The following GRAMD1B variants were observed in gnomAD, a reference collection of about 807,000 sequenced individuals.
GRAMD1B encodes protein Aster-B.
In GRAMD1B, 37 loss-of-function variants were observed where a neutral mutation model predicts 99.7. The observed-to-expected ratio is 0.37, with a 90% confidence interval of 0.29 to 0.49. GRAMD1B has a LOEUF of 0.49. Among genes scored for constraint, GRAMD1B ranks in the 20% least tolerant of loss-of-function variants. The pLI, the probability that GRAMD1B is intolerant of heterozygous loss-of-function variation, is 0.98. For missense variants in GRAMD1B, 888 were observed against 1,009.2 expected (o/e 0.88, Z 1.63); for synonymous variants, 427 against 387.6 (o/e 1.10, Z -1.19).
At chr11:123,576,362 A>T (rs987536404) in intron 2 of GRAMD1B, among the ~76,000 whole-genome samples, 1 of 152,046 alleles carries the variant, frequency 6.6e-6, no homozygotes, top group Non-Finnish European at 1.5e-5. Context: ...TTCCAATCTC[A>T]CATTTCCTTT....
intron 1 of GRAMD1B, among the ~76,000 whole-genome samples, chr11:123,363,430 T>A (rs954006162): frequency 1.3e-5 from 2 of 152,200 alleles, no homozygotes; most frequent in African/African-American, 4.8e-5. Flanking sequence ...TAACCGCCTG[T>A]AAAGAACTGT....
intron 2 of GRAMD1B, among the ~76,000 whole-genome samples, chr11:123,537,247 C>T (rs1017468283): frequency 1.3e-5 from 2 of 152,154 alleles, no homozygotes; most frequent in Non-Finnish European, 2.9e-5. Flanking sequence ...ACTGAGATGC[C>T]TCTTCTACTG....
rs774345801 is a variant in GRAMD1B at position 123,612,855 on chromosome 11, C to T, written c.2014C>T (p.Arg672Cys). ...CTGGAGTGGGCTGGAGGACTACTTCCGCCATTTAGGTGAGCACTGCAATCC... is the reference window on the plus strand; with the variant it reads ...CTGGAGTGGGCTGGAGGACTACTTCTGCCATTTAGGTGAGCACTGCAATCC... ...NFWSGLEDYF[R>C]HLESELAKTE... is the part of the protein sequence containing the mutation. The change falls in exon 15 of 20, where the codon CGC becomes TGC. Residue 672 changes from arginine (R) to cysteine (C), a missense_variant. This residue lies in a region of GRAMD1B where 92 missense variants were observed against 156.9 expected (regional missense o/e 0.59). Coordinates refer to ENST00000635736, the MANE Select transcript of GRAMD1B (RefSeq NM_001387025.1). The T allele has an allele frequency of 3.1e-6, 5 of 1,589,938 alleles. No individual in the cohort carries two copies. Among genetic ancestry groups the T allele is most frequent in the East Asian group, 4.5e-5 (2 of 44,750 alleles).
chr11:123,608,685 C>T lies in GRAMD1B; in HGVS notation c.1540C>T (p.Leu514=). Residue 514 remains leucine (L), a synonymous_variant, in exon 12 of 20, where the codon CTG becomes TTG. Transcript: ENST00000635736. ...EGEVQAFYED[L]SGRQYVNEVF... ...AGAGGTCCAGGCCTTCTATGAGGAC[C>T]TGAGTGGCCGGCAGTACGTGAATGA... 1 of 1,572,910 alleles carries T rather than the reference C, an allele frequency of 6.4e-7. No homozygotes were observed. Among genetic ancestry groups the T allele is most frequent in the Non-Finnish European group, 8.6e-7 (1 of 1,157,976 alleles).
At chr11:123,540,996 C>T (rs940880263) in intron 2 of GRAMD1B, among the ~76,000 whole-genome samples, 10 of 151,694 alleles carry the variant, frequency 6.6e-5, no homozygotes, top group East Asian at 1.9e-4. Flanking sequence ...CTTTTTGAGA[C>T]GGAGTTCGCT....
rs1217566843 is a variant in GRAMD1B at position 123,624,129 on chromosome 11, G to A, written c.*1534G>A. On this transcript the variant is annotated 3_prime_UTR_variant, in exon 20 of 20. Transcript: ENST00000635736. ...AGAGCTTGTGGAGATTCATGAAAGA[G>A]TCATAGCCAGTTTGGCATGCAGAGG... 1 of 152,174 alleles carries A rather than the reference G, an allele frequency of 6.6e-6. No homozygotes were observed. Among genetic ancestry groups the A allele is most frequent in the Non-Finnish European group, 1.5e-5 (1 of 68,050 alleles). The allele number at this position is 152,174 out of a possible 1,614,324, so 9.4% of individuals were successfully genotyped here.
chr11:123,477,814 G>A (rs1437885798), intron 1 of GRAMD1B, among the ~76,000 whole-genome samples: 6 of 129,292 alleles, frequency 4.6e-5, no homozygotes, highest in Admixed American at 3.6e-4. Context: ...TCACTCTGTC[G>A]CCCAGGCTGG....
chr11:123,397,893 T>A (rs1045478428), intron 1 of GRAMD1B, among the ~76,000 whole-genome samples: 1 of 152,214 alleles, frequency 6.6e-6, no homozygotes, highest in African/African-American at 2.4e-5. Flanking sequence ...TTGAGATTCA[T>A]CTACATAGCT....
At chr11:123,406,345 C>G (rs1947856576) in intron 1 of GRAMD1B, among the ~76,000 whole-genome samples, 1 of 152,068 alleles carries the variant, frequency 6.6e-6, no homozygotes, top group African/African-American at 2.4e-5. Context: ...CCTCCACCGA[C>G]TGGGTTCAAG....
At chr11:123,509,801 C>T (rs948995428) in intron 2 of GRAMD1B, 4 of 152,322 alleles carry the variant, frequency 2.6e-5, no homozygotes, top group Admixed American at 2.0e-4. Flanking sequence ...AGCGAGCGGC[C>T]TGTCCCTGCT....
chr11:123,625,338 A>T lies in GRAMD1B; in HGVS notation c.*2743A>T, dbSNP rs565541743. 6.6e-6 allele frequency: 1 copy of T among 152,334 alleles called. No individual in the cohort carries two copies. Among genetic ancestry groups the T allele is most frequent in the Admixed American group, 6.5e-5 (1 of 15,310 alleles). The allele number at this position is 152,334 out of a possible 1,614,324, so 9.4% of individuals were successfully genotyped here. ...CACAGGAGTCTTTCTGTAATGACTT[A>T]TGTGGTAAAATGTTTGAGAGTTTGC... is the stretch of plus-strand genomic sequence containing the variant. On this transcript the variant is annotated 3_prime_UTR_variant, in exon 20 of 20. Coordinates refer to ENST00000635736, the MANE Select transcript of GRAMD1B (RefSeq NM_001387025.1).
chr11:123,539,065 T>A (rs939191985), intron 2 of GRAMD1B, among the ~76,000 whole-genome samples: 3 of 152,162 alleles, frequency 2.0e-5, no homozygotes, highest in Admixed American at 6.5e-5. Flanking sequence ...AATCTCTTAA[T>A]TTTTAAGTTC....
At chr11:123,469,617 A>T (rs918714393) in intron 1 of GRAMD1B, among the ~76,000 whole-genome samples, 1 of 152,198 alleles carries the variant, frequency 6.6e-6, no homozygotes, top group Non-Finnish European at 1.5e-5. Flanking sequence ...CCTGTTGGAC[A>T]TTTAAGAGAG....
intron 3 of GRAMD1B, among the ~76,000 whole-genome samples, chr11:123,583,876 T>A (rs376767708): frequency 6.6e-6 from 1 of 152,162 alleles, no homozygotes; most frequent in East Asian, 1.9e-4. Context: ...GTCCCCTTTC[T>A]ACCTCGAAAG....
At chr11:123,443,958 G>A (rs931281175) in intron 1 of GRAMD1B, among the ~76,000 whole-genome samples, 1 of 152,200 alleles carries the variant, frequency 6.6e-6, no homozygotes, top group African/African-American at 2.4e-5. Context: ...GTAGAAAAGA[G>A]TGTCTGGGTT....
At chr11:123,467,923 G>A (rs191541763) in intron 1 of GRAMD1B, among the ~76,000 whole-genome samples, 245 of 147,632 alleles carry the variant, frequency 1.7e-3, no homozygotes, top group African/African-American at 5.8e-3. Context: ...GAGTGAAGTG[G>A]CGCAGTCTGA....
rs957495436 is a variant in GRAMD1B at position 123,599,032 on chromosome 11, C to T, written c.970-1436C>T. ...TACTTGAGGCAACAGTCATGGAGATCGAGGTAACGACCATATCCCTCTTCA... is the reference window on the plus strand; with the variant it reads ...TACTTGAGGCAACAGTCATGGAGATTGAGGTAACGACCATATCCCTCTTCA... On this transcript the variant is annotated intron_variant, in intron 7 of 19. Coordinates refer to ENST00000635736, the MANE Select transcript of GRAMD1B (RefSeq NM_001387025.1). 1.2e-5 allele frequency: 13 copies of T among 1,108,874 alleles called. No homozygotes were observed. In the Admixed American group the frequency reaches 1.9e-4, roughly 16 times the overall value. 68.7% of individuals were successfully genotyped at this position (1,108,874 alleles called of 1,614,324 possible).
At chr11:123,359,386 G>C (rs188909229) in intron 1 of GRAMD1B, among the ~76,000 whole-genome samples, 38 of 121,666 alleles carry the variant, frequency 3.1e-4, no homozygotes, top group Admixed American at 1.1e-3. Flanking sequence ...TTTCCTCTGA[G>C]GGTGGAAGTG....
chr11:123,508,805 C>T (rs1223078373), intron 2 of GRAMD1B, among the ~76,000 whole-genome samples: 1 of 152,124 alleles, frequency 6.6e-6, no homozygotes, highest in Non-Finnish European at 1.5e-5. Context: ...CCTGCCTCAG[C>T]CTCCCAAGTA....
Sources: allele counts gnomAD v4.1 joint callset (sites outside exome capture counted in the v4.1 genomes callset), GRCh38; gene constraint gnomAD v4.1.1; regional missense constraint gnomAD v4.1.1; transcripts MANE v1.5; gene names NCBI Gene and HGNC (gene_info 2026-07-23, HGNC 2026-07-21).